The following PCSK6 variants were observed in gnomAD, a reference collection of about 807,000 sequenced individuals.
PCSK6 encodes the protein paired basic amino acid cleaving enzyme 4.
PCSK6 carries 85 observed loss-of-function variants against 123.3 expected under a neutral mutation model. The observed-to-expected ratio is 0.69, with a 90% CI of 0.58 to 0.83. The LOEUF is 0.83. PCSK6 is among the 40% of genes least tolerant of loss of function. The pLI, the probability that PCSK6 is intolerant of heterozygous loss-of-function variation, is 0.00. For synonymous variants in PCSK6, 508 were observed against 516.0 expected, an observed-to-expected ratio of 0.98 and a Z score of 0.21; for missense variants, 1,191 against 1,282.3, an observed-to-expected ratio of 0.93 and a Z score of 1.09.
At chr15:101,347,124 T>TC in intron 13 of PCSK6, 1 of 1,231,816 alleles carries the variant, frequency 8.1e-7, no homozygotes, top group Non-Finnish European at 1.0e-6. Flanking sequence ...ACTCTATAAT[T>TC]GCACTTTCCA....
At chr15:101,383,870 AT>A (rs11333988) in intron 10 of PCSK6, among the ~76,000 whole-genome samples, 24,064 of 152,028 alleles carry the variant, frequency 0.16, 1,976 homozygotes, top group Middle Eastern at 0.24. Flanking sequence ...TTTAAAATAC[AT>A]TTTTTTATGT....
intron 13 of PCSK6, among the ~76,000 whole-genome samples, chr15:101,340,484 T>C (rs796466624): frequency 5.9e-5 from 9 of 152,298 alleles, no homozygotes; most frequent in African/African-American, 2.2e-4. Flanking sequence ...TCCAAAGTAA[T>C]AAATTAAATG....
At chr15:101,361,099 C>G (rs546382908) in intron 13 of PCSK6, among the ~76,000 whole-genome samples, 4 of 151,326 alleles carry the variant, frequency 2.6e-5, no homozygotes, top group African/African-American at 9.7e-5. Flanking sequence ...ATGAATTCCA[C>G]TTCCTAATGT....
At position 101,382,213 on chromosome 15, in the gene PCSK6, A is replaced by G; in HGVS notation, c.1415-4T>C. The stretch of plus-strand genomic sequence containing the variant: ...CCAAATCCATAGAAATGGCTAACTG[A>G]AAAGACAGGCCCTTCAGAGCCAGGC... On this transcript the variant is annotated splice_polypyrimidine_tract_variant and splice_region_variant and intron_variant, in intron 10 of 21. Transcript: ENST00000611716. 1 of 1,602,218 alleles carries G rather than the reference A, an allele frequency of 6.2e-7. No homozygotes were observed. Among genetic ancestry groups the G allele is most frequent in the East Asian group, 2.2e-5 (1 of 44,630 alleles).
intron 1 of PCSK6, among the ~76,000 whole-genome samples, chr15:101,476,218 TG>T (rs2057727087): frequency 6.6e-6 from 1 of 152,208 alleles, no homozygotes; most frequent in Non-Finnish European, 1.5e-5. Flanking sequence ...AAAAGTTACT[TG>T]GTACACAGTA....
intron 1 of PCSK6, among the ~76,000 whole-genome samples, chr15:101,478,605 T>C (rs946554404): frequency 6.6e-6 from 1 of 152,196 alleles, no homozygotes; most frequent in Non-Finnish European, 1.5e-5. Context: ...ATGCTCGTTC[T>C]GAGCTTCAGA....
At chr15:101,420,190 CAAA>C (rs369741613) in intron 6 of PCSK6, among the ~76,000 whole-genome samples, 11 of 84,452 alleles carry the variant, frequency 1.3e-4, no homozygotes, top group Admixed American at 2.7e-4. Context: ...GATTCTGTCT[CAAA>C]AAAAAAAAAA....
At chr15:101,415,933 CA>C (rs1160770200) in intron 6 of PCSK6, among the ~76,000 whole-genome samples, 6 of 152,174 alleles carry the variant, frequency 3.9e-5, no homozygotes, top group Non-Finnish European at 7.3e-5. Context: ...TTTTTCTTCC[CA>C]GTCTCGGGAA....
chr15:101,469,428 C>T (rs11637934), intron 1 of PCSK6, among the ~76,000 whole-genome samples: 7 of 152,194 alleles, frequency 4.6e-5, no homozygotes, highest in Admixed American at 2.0e-4. Context: ...TAAGCTTCTA[C>T]GCTGGCTCCA....
chr15:101,407,103 G>T (rs916615763), intron 6 of PCSK6, among the ~76,000 whole-genome samples: 1 of 152,088 alleles, frequency 6.6e-6, no homozygotes, highest in Non-Finnish European at 1.5e-5. Flanking sequence ...TGGCAGTGTG[G>T]TGTGGCAAGG....
At chr15:101,348,713 T>G (rs1488499277) in intron 13 of PCSK6, among the ~76,000 whole-genome samples, 1 of 152,202 alleles carries the variant, frequency 6.6e-6, no homozygotes, top group Non-Finnish European at 1.5e-5. Context: ...CCCGTTGAAG[T>G]AGACACTATT....
At chr15:101,401,850 T>C (rs1176345077) in intron 6 of PCSK6, among the ~76,000 whole-genome samples, 1 of 152,128 alleles carries the variant, frequency 6.6e-6, no homozygotes, top group African/African-American at 2.4e-5. Flanking sequence ...CTGCCCAAGG[T>C]AATTTATAGA....
intron 1 of PCSK6, among the ~76,000 whole-genome samples, chr15:101,447,991 C>T (rs556296583): frequency 1.3e-5 from 2 of 152,342 alleles, no homozygotes; most frequent in South Asian, 2.1e-4. Context: ...TGCTCAGCCC[C>T]GTGTCCTCCC....
Position 101,489,553 on chromosome 15 carries a change from C to A in PCSK6, c.118G>T (p.Gly40Trp), listed in dbSNP as rs2058120108. 1.0e-6 allele frequency: 1 copy of A among 981,944 alleles called. No individual in the cohort carries two copies. Among genetic ancestry groups the A allele is most frequent in the Non-Finnish European group, 1.2e-6 (1 of 831,140 alleles). 60.8% of individuals were successfully genotyped at this position (981,944 alleles called of 1,614,324 possible). Residue 40 changes from glycine to tryptophan, a missense_variant, in exon 1 of 22, where the codon GGG (glycine) becomes TGG (tryptophan). Physicochemically the swap from Gly to Trp is radical, Grantham distance 184. Coordinates refer to ENST00000611716, the MANE Select transcript of PCSK6 (RefSeq NM_002570.5). ...GGACGCGGCGCGAGCGGCCGGAACCCGGGCCCGCCGGCGCCCCCCGCGCCC... is the reference window on the plus strand; with the variant it reads ...GGACGCGGCGCGAGCGGCCGGAACCAGGGCCCGCCGGCGCCCCCCGCGCCC... ...AGGAGGAGGP[G>W]FRPLAPRPWR...
chr15:101,352,840 G>C (rs940698872), intron 13 of PCSK6, among the ~76,000 whole-genome samples: 2 of 152,232 alleles, frequency 1.3e-5, no homozygotes, highest in African/African-American at 4.8e-5. Context: ...GTGAAGAAGA[G>C]ATATCTCAGT....
Position 101,463,123 on chromosome 15 carries a change from G to C in PCSK6, c.298-19463C>G, listed in dbSNP as rs1418942120. The C allele has an allele frequency of 2.8e-5, 13 of 458,268 alleles. No homozygotes were observed. In the Admixed American group the frequency reaches 3.0e-4, roughly 11 times the overall value. 28.4% of individuals were successfully genotyped at this position (458,268 alleles called of 1,614,324 possible). On this transcript the variant is annotated intron_variant, in intron 1 of 21. Coordinates refer to ENST00000611716, the MANE Select transcript of PCSK6 (RefSeq NM_002570.5). Reference sequence around the variant, plus strand: ...AAACTGTAAGAGACCTGGAGCCGTTGAGCATCAATGACTCTTTGACTCAGG... The same window carrying C: ...AAACTGTAAGAGACCTGGAGCCGTTCAGCATCAATGACTCTTTGACTCAGG...
intron 1 of PCSK6, among the ~76,000 whole-genome samples, chr15:101,446,390 T>C (rs897094968): frequency 2.6e-5 from 4 of 152,292 alleles, no homozygotes; most frequent in Admixed American, 6.5e-5. Context: ...TGTTTATTCA[T>C]TCATCTATTT....
intron 1 of PCSK6, among the ~76,000 whole-genome samples, chr15:101,466,958 C>G (rs1417973278): frequency 6.6e-6 from 1 of 152,046 alleles, no homozygotes; most frequent in Non-Finnish European, 1.5e-5. Flanking sequence ...CTGAATGTAC[C>G]AAAACCCACT....
chr15:101,311,682 G>A lies in PCSK6; in HGVS notation c.2699+1694C>T, dbSNP rs71409327. Among the ~76,000 whole-genome samples, 217 of 37,904 alleles carry A rather than the reference G, an allele frequency of 5.7e-3. 2 individuals carry two copies. The highest frequency in any genetic ancestry group is 0.014 in the South Asian group (19 of 1,362). The allele number at this position is 37,904 out of a possible 152,430, so 24.9% of individuals were successfully genotyped here. ...GTCACCCCTCACAGCCCACCCCATC[G>A]TCACCCCTCACAGCCCACCCCATCG... On this transcript the variant is annotated intron_variant, in intron 20 of 21. Coordinates refer to ENST00000611716, the MANE Select transcript of PCSK6 (RefSeq NM_002570.5).
Sources: gnomAD v4.1 joint callset for allele counts (sites outside exome capture counted in the v4.1 genomes callset) on GRCh38, gnomAD v4.1.1 for gene constraint, MANE v1.5 for transcripts, NCBI Gene and HGNC (gene_info 2026-07-23, HGNC 2026-07-21) for gene names.